Variants in GLIPR1L2 observed in about 807,000 individuals in gnomAD.
The protein encoded by GLIPR1L2 is GLIPR1 like 2.
Under a neutral mutation model 28.4 loss-of-function variants are expected in GLIPR1L2, and 21 were observed. That is an observed-to-expected ratio of 0.74 (90% CI 0.52 to 1.06). The LOEUF is 1.06. Ranked by LOEUF, GLIPR1L2 falls within the 50% of genes least tolerant of loss-of-function variation. GLIPR1L2 has a pLI of 0.00. For synonymous variants in GLIPR1L2, 145 were observed against 139.3 expected (o/e 1.04, Z -0.29); for missense variants, 476 against 416.9 (o/e 1.14, Z -1.23).
At chr12:75,429,619 A>G (rs558631996) in intron 4 of GLIPR1L2, among the ~76,000 whole-genome samples, 40 of 152,092 alleles carry the variant, frequency 2.6e-4, no homozygotes, top group Admixed American at 1.4e-3. Context: ...TGGCAGAATG[A>G]TATGGTTTGG....
At chr12:75,417,219 G>C (rs1157065074) in intron 3 of GLIPR1L2, among the ~76,000 whole-genome samples, 2 of 152,088 alleles carry the variant, frequency 1.3e-5, no homozygotes, top group Non-Finnish European at 2.9e-5. Context: ...ATACTTGTAA[G>C]AGATGGAGAG....
chr12:75,427,903 G>A (rs1594033988), intron 4 of GLIPR1L2, among the ~76,000 whole-genome samples: 1 of 152,194 alleles, frequency 6.6e-6, no homozygotes, highest in African/African-American at 2.4e-5. Flanking sequence ...ATGCAGAACT[G>A]TGAGTCAATT....
intron 4 of GLIPR1L2, among the ~76,000 whole-genome samples, chr12:75,425,938 A>G (rs1271928474): frequency 6.6e-6 from 1 of 152,144 alleles, no homozygotes; most frequent in Non-Finnish European, 1.5e-5. Flanking sequence ...TTTAATAAAC[A>G]TATATATAAA....
At chr12:75,409,111 G>C (rs1223437702) in intron 1 of GLIPR1L2, among the ~76,000 whole-genome samples, 1 of 151,872 alleles carries the variant, frequency 6.6e-6, no homozygotes, top group African/African-American at 2.4e-5. Context: ...TTCTTAAAAG[G>C]TTATGAATTC....
At chr12:75,419,068 G>C (rs1304449847) in intron 3 of GLIPR1L2, among the ~76,000 whole-genome samples, 2 of 152,008 alleles carry the variant, frequency 1.3e-5, no homozygotes. Context: ...GTAGATGGTG[G>C]GTTGATGGGT....
intron 3 of GLIPR1L2, among the ~76,000 whole-genome samples, chr12:75,416,175 T>A (rs528485723): frequency 6.6e-6 from 1 of 152,256 alleles, no homozygotes; most frequent in Non-Finnish European, 1.5e-5. Context: ...GCCTATGTGT[T>A]TAGTCTAAAA....
chr12:75,400,702 G>A (rs1306542045), intron 1 of GLIPR1L2, among the ~76,000 whole-genome samples: 1 of 152,054 alleles, frequency 6.6e-6, no homozygotes, highest in African/African-American at 2.4e-5. Flanking sequence ...ATTCTTTAAT[G>A]CGTGTTGATA....
chr12:75,413,749 A>G, intron 3 of GLIPR1L2, 48 bp downstream of exon 3: 1 of 930,934 alleles, frequency 1.1e-6, no homozygotes, highest in Non-Finnish European at 1.6e-6. Flanking sequence ...AGAATATTTC[A>G]AGGTGAGTTT....
chr12:75,416,640 C>T (rs77051503), intron 3 of GLIPR1L2, among the ~76,000 whole-genome samples: 1,885 of 152,124 alleles, frequency 0.012, 22 homozygotes, highest in African/African-American at 0.031. Context: ...CTGACAGTTC[C>T]ATTAGATGAG....
chr12:75,420,421 G>A (rs969477929), intron 3 of GLIPR1L2, among the ~76,000 whole-genome samples: 2 of 152,146 alleles, frequency 1.3e-5, no homozygotes, highest in Admixed American at 6.5e-5. Flanking sequence ...GTTGGAAATG[G>A]GTACACTTCT....
chr12:75,410,447 C>T lies in GLIPR1L2; in HGVS notation c.248C>T (p.Ala83Val), dbSNP rs774801554. ...SNLRFMTWDVALSRTARAWGK... is the reference protein window; with the variant it reads ...SNLRFMTWDVVLSRTARAWGK... ...AATATTTTTCAGACTTGGGATGTAG[C>T]TTTATCACGGACTGCTAGAGCATGG... Residue 83 changes from alanine (A) to valine (V), a missense_variant, in exon 2 of 6, where the codon GCT (alanine) becomes GTT (valine). Transcript: ENST00000550916. The T allele has an allele frequency of 6.3e-7, 1 of 1,576,892 alleles. No individual in the cohort carries two copies. The highest frequency in any genetic ancestry group is 1.8e-5 in the Admixed American group (1 of 55,550).
At chr12:75,393,153 T>G (rs1259388685) in intron 1 of GLIPR1L2, among the ~76,000 whole-genome samples, 4 of 152,128 alleles carry the variant, frequency 2.6e-5, no homozygotes, top group Non-Finnish European at 5.9e-5. Flanking sequence ...CCATCCTTAT[T>G]CATGCTATTG....
chr12:75,416,255 G>A (rs1414937735), intron 3 of GLIPR1L2, among the ~76,000 whole-genome samples: 1 of 152,070 alleles, frequency 6.6e-6, no homozygotes, highest in Admixed American at 6.6e-5. Context: ...GGGTATATTA[G>A]ATAGAAAAAT....
At chr12:75,428,655 C>G (rs2046059220) in intron 4 of GLIPR1L2, among the ~76,000 whole-genome samples, 1 of 152,138 alleles carries the variant, frequency 6.6e-6, no homozygotes, top group African/African-American at 2.4e-5. Context: ...TCATGGCAGC[C>G]CCTCCCATCA....
chr12:75,405,254 T>C (rs2045784340), intron 1 of GLIPR1L2, among the ~76,000 whole-genome samples: 1 of 152,202 alleles, frequency 6.6e-6, no homozygotes, highest in Admixed American at 6.5e-5. Flanking sequence ...TAGGACAATA[T>C]ATGTGGCAGA....
intron 1 of GLIPR1L2, among the ~76,000 whole-genome samples, 195 bp from the exon 2 acceptor site, chr12:75,410,239 C>T (rs1348721775): frequency 6.6e-6 from 1 of 151,598 alleles, no homozygotes; most frequent in Non-Finnish European, 1.5e-5. Flanking sequence ...TATACATAGT[C>T]CTTTGTCTCA....
chr12:75,403,208 A>T, intron 1 of GLIPR1L2: 1 of 436,038 alleles, frequency 2.3e-6, no homozygotes, highest in South Asian at 1.6e-5. Flanking sequence ...GTGAGGATAG[A>T]TTTTTTGATT....
intron 3 of GLIPR1L2, among the ~76,000 whole-genome samples, chr12:75,416,761 T>C (rs1399130815): frequency 1.3e-5 from 2 of 152,124 alleles, no homozygotes; most frequent in Non-Finnish European, 2.9e-5. Flanking sequence ...TTCTTGCTAC[T>C]CTCTTATTGC....
rs1329225204 is a variant in GLIPR1L2 at position 75,431,351 on chromosome 12, G to T, written c.*190G>T. On this transcript the variant is annotated 3_prime_UTR_variant, in exon 6 of 6. Coordinates refer to ENST00000550916, the MANE Select transcript of GLIPR1L2 (RefSeq NM_001270396.2). Reference sequence around the variant, plus strand: ...AATCAATTTAAATTTGTAAAACAAAGAAACAAAAAACATGTAAGGTGGGCT... The same window carrying T: ...AATCAATTTAAATTTGTAAAACAAATAAACAAAAAACATGTAAGGTGGGCT... 1 of 465,606 alleles carries T rather than the reference G, an allele frequency of 2.1e-6. No individual in the cohort carries two copies. Among genetic ancestry groups the T allele is most frequent in the African/African-American group, 2.0e-5 (1 of 50,008 alleles). The allele number at this position is 465,606 out of a possible 1,614,324, so 28.8% of individuals were successfully genotyped here.
Sources: gnomAD v4.1 joint callset for allele counts (sites outside exome capture counted in the v4.1 genomes callset) on GRCh38, gnomAD v4.1.1 for gene constraint, MANE v1.5 for transcripts, NCBI Gene and HGNC (gene_info 2026-07-23, HGNC 2026-07-21) for gene names.